The following TRPC1 variants were observed in gnomAD, a reference collection of about 807,000 sequenced individuals.
The protein encoded by TRPC1 is short transient receptor potential channel 1.
In TRPC1, 42 loss-of-function variants were observed where a neutral mutation model predicts 88.2. The observed-to-expected ratio is 0.48, with a 90% CI of 0.37 to 0.62. TRPC1 has a LOEUF of 0.62. Among genes scored for constraint, TRPC1 ranks in the 20% least tolerant of loss-of-function variants. TRPC1 has a pLI of 0.00. For synonymous variants in TRPC1, 288 were observed against 331.8 expected (o/e 0.87, Z 1.43); for missense variants, 699 against 957.3 (o/e 0.73, Z 3.56).
intron 6 of TRPC1, among the ~76,000 whole-genome samples, chr3:142,782,043 C>A (rs1289941892): frequency 6.6e-6 from 1 of 151,932 alleles, no homozygotes; most frequent in Non-Finnish European, 1.5e-5. Flanking sequence ...CTGTGTTCCA[C>A]AACCTAAAAG....
chr3:142,766,208 AAGTAT>A (rs1935382240), intron 4 of TRPC1, among the ~76,000 whole-genome samples: 1 of 152,118 alleles, frequency 6.6e-6, no homozygotes, highest in African/African-American at 2.4e-5. Context: ...GAAGGGTACA[AAGTAT>A]TGATCCTGGG....
chr3:142,770,093 CTTTT>C (rs779905124), intron 4 of TRPC1, among the ~76,000 whole-genome samples: 1 of 95,262 alleles, frequency 1.0e-5, no homozygotes, highest in African/African-American at 4.8e-5. Flanking sequence ...TTGTATGTTC[CTTTT>C]TTTTTTTTTT....
chr3:142,794,152 T>A lies in TRPC1; in HGVS notation c.1581+1185T>A, dbSNP rs150992512. On this transcript the variant is annotated intron_variant, in intron 9 of 12. Transcript: ENST00000476941. ...TATTTTTCCAAAACACAGTAAGCCA[T>A]AGAAACACTGGCTTAAACTATCTGT... Among the ~76,000 whole-genome samples the A allele has an allele frequency of 9.4e-3, 1,424 of 152,268 alleles. 14 individuals are homozygous for A. The highest frequency in any genetic ancestry group is 0.015 in the Non-Finnish European group (993 of 67,994).
At chr3:142,765,152 A>G (rs1226583384) in intron 4 of TRPC1, among the ~76,000 whole-genome samples, 2 of 152,168 alleles carry the variant, frequency 1.3e-5, no homozygotes, top group African/African-American at 2.4e-5. Flanking sequence ...ACTACAAAAC[A>G]TTACTGAAGA....
At chr3:142,758,982 A>G (rs939932710) in intron 4 of TRPC1, among the ~76,000 whole-genome samples, 1 of 152,046 alleles carries the variant, frequency 6.6e-6, no homozygotes, top group African/African-American at 2.4e-5. Context: ...AGCTTCATCC[A>G]TGTCCCTACA....
chr3:142,803,943 T>G, intron 10 of TRPC1, 34 bp from the exon 11 acceptor site: 2 of 1,591,254 alleles, frequency 1.3e-6, no homozygotes, highest in Admixed American at 1.7e-5. Context: ...TTTCTTTAAT[T>G]GCCTTTTAAA....
chr3:142,749,169 C>G (rs1024285812), intron 4 of TRPC1, among the ~76,000 whole-genome samples: 1 of 152,106 alleles, frequency 6.6e-6, no homozygotes, highest in African/African-American at 2.4e-5. Flanking sequence ...TTCTTATCGC[C>G]TACTGATGTC....
intron 4 of TRPC1, among the ~76,000 whole-genome samples, chr3:142,766,454 G>A (rs1935393588): frequency 6.7e-6 from 1 of 150,268 alleles, no homozygotes; most frequent in Non-Finnish European, 1.5e-5. Context: ...AGACTGGAGT[G>A]TAGTGTTGCG....
intron 6 of TRPC1, among the ~76,000 whole-genome samples, 164 bp downstream of exon 6, chr3:142,781,193 ATAAT>A (rs1195630329): frequency 6.6e-6 from 1 of 152,202 alleles, no homozygotes; most frequent in Admixed American, 6.5e-5. Flanking sequence ...TTTTGTTTTA[ATAAT>A]TAATTAAGAA....
intron 1 of TRPC1, among the ~76,000 whole-genome samples, chr3:142,733,783 A>G (rs1471012173): frequency 1.3e-5 from 2 of 152,242 alleles, no homozygotes; most frequent in Non-Finnish European, 2.9e-5. Context: ...AGTTAAATGA[A>G]CAGCTGAGCT....
At chr3:142,777,548 A>G in intron 4 of TRPC1, 84 bp from the exon 5 acceptor site, 3 of 825,730 alleles carry the variant, frequency 3.6e-6, no homozygotes, top group Non-Finnish European at 5.1e-6. Flanking sequence ...TATTTTAAGT[A>G]TACATTTATG....
intron 7 of TRPC1, among the ~76,000 whole-genome samples, chr3:142,787,737 C>T (rs992443127): frequency 3.3e-5 from 5 of 151,978 alleles, no homozygotes; most frequent in Non-Finnish European, 7.4e-5. Context: ...AAAATGAAAA[C>T]TCAAAAATGG....
At chr3:142,733,017 ACTT>A (rs762668656) in intron 1 of TRPC1, among the ~76,000 whole-genome samples, 4 of 151,884 alleles carry the variant, frequency 2.6e-5, no homozygotes, top group Non-Finnish European at 5.9e-5. Context: ...GCAAATATAA[ACTT>A]CTCTGAAATG....
chr3:142,757,657 A>G (rs190773513), intron 4 of TRPC1, among the ~76,000 whole-genome samples: 276 of 151,894 alleles, frequency 1.8e-3, no homozygotes, highest in Non-Finnish European at 3.1e-3. Flanking sequence ...GATGGGGGGC[A>G]AGGGGAGGGA....
chr3:142,744,860 G>T (rs2108038484), intron 3 of TRPC1, among the ~76,000 whole-genome samples: 1 of 152,008 alleles, frequency 6.6e-6, no homozygotes, highest in South Asian at 2.1e-4. Flanking sequence ...ATTCATTATT[G>T]GTGACGATAC....
chr3:142,739,758 GGCTATA>G (rs541411557), intron 2 of TRPC1, among the ~76,000 whole-genome samples: 173 of 152,262 alleles, frequency 1.1e-3, no homozygotes, highest in South Asian at 9.7e-3. Flanking sequence ...AAGTGGGAAA[GGCTATA>G]GCCTATGTCA....
At chr3:142,738,080 C>T (rs1301050894) in intron 2 of TRPC1, among the ~76,000 whole-genome samples, 1 of 152,124 alleles carries the variant, frequency 6.6e-6, no homozygotes, top group Non-Finnish European at 1.5e-5. Context: ...ATGGTGCTTT[C>T]ATATACTTGA....
At position 142,777,748 on chromosome 3, in the gene TRPC1, T is replaced by G; in HGVS notation, c.749T>G (p.Val250Gly). 6.2e-7 allele frequency: 1 copy of G among 1,609,246 alleles called. No individual in the cohort carries two copies. Among genetic ancestry groups the G allele is most frequent in the African/African-American group, 1.3e-5 (1 of 74,964 alleles). Reference protein sequence around the residue: ...LSADLKELSLVEVEFRNDYEE... With the variant: ...LSADLKELSLGEVEFRNDYEE... ...GCTGATTTAAAAGAACTAAGTCTTG[T>G]GGAGGTGGAATTCAGGTGGGAATGA... The change falls in exon 5 of 13, where the codon GTG becomes GGG. Residue 250 changes from valine to glycine, a missense_variant. By Grantham distance (109) the Val-to-Gly change is moderately radical. Around this residue, in one of 4 missense-constraint regions of TRPC1, gnomAD observed 426 missense variants for 641.3 expected, o/e 0.66. Coordinates refer to ENST00000476941, the MANE Select transcript of TRPC1 (RefSeq NM_001251845.2).
intron 4 of TRPC1, among the ~76,000 whole-genome samples, chr3:142,765,173 C>T (rs1450465898): frequency 6.6e-6 from 1 of 151,838 alleles, no homozygotes; most frequent in African/African-American, 2.4e-5. Context: ...AAATCAGAGA[C>T]AATACAAACA....
Sources: gnomAD v4.1 joint callset for allele counts (sites outside exome capture counted in the v4.1 genomes callset) on GRCh38, gnomAD v4.1.1 for gene constraint, gnomAD v4.1.1 regional missense constraint, MANE v1.5 for transcripts, NCBI Gene and HGNC (gene_info 2026-07-23, HGNC 2026-07-21) for gene names.